Variants in DCLK2 observed in about 807,000 individuals in gnomAD.
DCLK2 encodes the protein doublecortin like kinase 2, also known as serine/threonine-protein kinase DCLK2.
DCLK2 carries 31 observed loss-of-function variants against 78.4 expected under a neutral mutation model. That is an observed-to-expected ratio of 0.40 (90% CI 0.30 to 0.53). DCLK2 has a LOEUF of 0.53. DCLK2 is among the 20% of genes least tolerant of loss of function. DCLK2 has a pLI of 0.61. For missense variants in DCLK2, 872 were observed against 973.7 expected (o/e 0.90, Z 1.39); for synonymous variants, 407 against 374.9 (o/e 1.09, Z -0.99).
chr4:150,185,342 G>A (rs766240203), intron 2 of DCLK2, among the ~76,000 whole-genome samples: 19 of 152,074 alleles, frequency 1.2e-4, no homozygotes, highest in Non-Finnish European at 1.8e-4. Flanking sequence ...CCTCCAACGC[G>A]TGGGGATTAC....
chr4:150,158,253 A>G (rs1052321647), intron 2 of DCLK2, among the ~76,000 whole-genome samples: 17 of 152,146 alleles, frequency 1.1e-4, no homozygotes, highest in African/African-American at 3.6e-4. Context: ...TTCTTCTCTT[A>G]TAAGGACACT....
chr4:150,096,299 G>C (rs1183229017), intron 1 of DCLK2, among the ~76,000 whole-genome samples: 1 of 152,232 alleles, frequency 6.6e-6, no homozygotes, highest in Non-Finnish European at 1.5e-5. Flanking sequence ...AGGAAGAGGA[G>C]AGTGTGAGAT....
At chr4:150,120,170 G>A (rs975891606) in intron 2 of DCLK2, among the ~76,000 whole-genome samples, 2 of 152,190 alleles carry the variant, frequency 1.3e-5, no homozygotes, top group Admixed American at 6.5e-5. Context: ...ATTTTAGGAT[G>A]TATAACCGAT....
At chr4:150,129,016 C>G (rs555228857) in intron 2 of DCLK2, among the ~76,000 whole-genome samples, 1 of 152,118 alleles carries the variant, frequency 6.6e-6, no homozygotes, top group African/African-American at 2.4e-5. Flanking sequence ...TTAATATGTG[C>G]TACTGAGCTT....
chr4:150,164,326 T>C (rs1560825097), intron 2 of DCLK2, among the ~76,000 whole-genome samples: 2 of 152,222 alleles, frequency 1.3e-5, no homozygotes, highest in Non-Finnish European at 2.9e-5. Context: ...TTTTGAACTG[T>C]GCAGCCACTG....
Position 150,197,694 on chromosome 4 carries a change from G to A in DCLK2, c.860-308G>A, listed in dbSNP as rs1488605868. On this transcript the variant is annotated intron_variant, in intron 3 of 15. Transcript: ENST00000296550. ...CGCTTGAACCCAGGAGGCGGAGGTT[G>A]CAGTGAGCAGAATCGCTTGAACCTG... 2.0e-5 allele frequency among the ~76,000 whole-genome samples: 3 copies of A among 151,774 alleles called. No individual in the cohort carries two copies. In the East Asian group the frequency reaches 5.8e-4, roughly 29 times the overall value.
chr4:150,164,798 C>CA (rs145151064), intron 2 of DCLK2, among the ~76,000 whole-genome samples: 21 of 149,186 alleles, frequency 1.4e-4, no homozygotes, highest in South Asian at 8.5e-4. Flanking sequence ...GACACTGTCT[C>CA]AAAAAAAAAA....
At chr4:150,198,193 C>T in intron 4 of DCLK2, 90 bp downstream of exon 4, 2 of 1,201,216 alleles carry the variant, frequency 1.7e-6, no homozygotes, top group Non-Finnish European at 1.2e-6. Flanking sequence ...GTAGTCTTTG[C>T]CAGGGTCGTA....
At chr4:150,121,193 G>T (rs1366590446) in intron 2 of DCLK2, among the ~76,000 whole-genome samples, 1 of 77,550 alleles carries the variant, frequency 1.3e-5, no homozygotes, top group African/African-American at 6.7e-5. Flanking sequence ...GGTGGGGGTG[G>T]CTATGGCAGT....
chr4:150,162,490 G>A (rs1368423820), intron 2 of DCLK2, among the ~76,000 whole-genome samples: 2 of 152,090 alleles, frequency 1.3e-5, no homozygotes, highest in East Asian at 1.9e-4. Flanking sequence ...TCCATCCCAT[G>A]TTGTGAAAGA....
chr4:150,222,821 G>A (rs774400860), intron 7 of DCLK2, among the ~76,000 whole-genome samples: 5 of 151,778 alleles, frequency 3.3e-5, no homozygotes, highest in African/African-American at 9.7e-5. Flanking sequence ...AGCCGAGATC[G>A]TGCCATTGCA....
chr4:150,109,081 A>T (rs1731471944), intron 2 of DCLK2, among the ~76,000 whole-genome samples: 1 of 152,172 alleles, frequency 6.6e-6, no homozygotes, highest in South Asian at 2.1e-4. Context: ...CTACCATAAC[A>T]TAAATAATAT....
chr4:150,221,615 A>G (rs1741195480), intron 6 of DCLK2, 62 bp from the exon 7 acceptor site: 1 of 1,031,802 alleles, frequency 9.7e-7, no homozygotes, highest in African/African-American at 1.7e-5. Flanking sequence ...TTTTACAAAT[A>G]TGTAGGAATC....
At position 150,141,707 on chromosome 4, in the gene DCLK2, A is replaced by T. The variant is rs539479725; in HGVS notation, c.756+38895A>T. ...AATGATAAACCTGAGGTGTACGTTC[A>T]TTTTTTTAGCAGAAAGATGTGAAGC... On this transcript the variant is annotated intron_variant, in intron 2 of 15. Transcript: ENST00000296550. Among the ~76,000 whole-genome samples the T allele has an allele frequency of 6.6e-5, 10 of 152,274 alleles. No homozygotes were observed. In the East Asian group the frequency reaches 1.9e-3, roughly 29 times the overall value.
intron 4 of DCLK2, among the ~76,000 whole-genome samples, chr4:150,199,452 C>A (rs1394955193): frequency 6.6e-6 from 1 of 152,174 alleles, no homozygotes; most frequent in Non-Finnish European, 1.5e-5. Context: ...TGTGCTCACC[C>A]CCTCCCCACC....
chr4:150,191,361 G>A (rs965836895), intron 2 of DCLK2, among the ~76,000 whole-genome samples: 1 of 151,928 alleles, frequency 6.6e-6, no homozygotes, highest in Non-Finnish European at 1.5e-5. Context: ...AAACAGAAAT[G>A]ACAGATTCCA....
At position 150,078,859 on chromosome 4, in the gene DCLK2, G is replaced by C. The variant is rs1220206924; in HGVS notation, c.-169G>C. ...ACACTTTTAGCTGAGGGCGCGGGCG[G>C]GTCGGCTCCTCCGCGGCTCCTCGGC... On this transcript the variant is annotated 5_prime_UTR_variant, in exon 1 of 16. Coordinates refer to ENST00000296550, the MANE Select transcript of DCLK2 (RefSeq NM_001040260.4). 3 of 816,282 alleles carry C rather than the reference G, an allele frequency of 3.7e-6. No individual in the cohort carries two copies. The highest frequency in any genetic ancestry group is 3.2e-5 in the East Asian group (1 of 31,420). The allele number at this position is 816,282 out of a possible 1,614,324, so 50.6% of individuals were successfully genotyped here.
At chr4:150,150,416 T>C (rs1003330584) in intron 2 of DCLK2, among the ~76,000 whole-genome samples, 1 of 152,184 alleles carries the variant, frequency 6.6e-6, no homozygotes, top group Non-Finnish European at 1.5e-5. Flanking sequence ...CTCAGGGCTA[T>C]TGTCAGGATT....
At chr4:150,252,984 G>C (rs1466963602) in intron 15 of DCLK2, among the ~76,000 whole-genome samples, 2 of 152,148 alleles carry the variant, frequency 1.3e-5, no homozygotes, top group East Asian at 3.9e-4. Context: ...AAAAGTGGGA[G>C]GGGAAGGCCT....
Sources: gnomAD v4.1 joint callset for allele counts (sites outside exome capture counted in the v4.1 genomes callset) on GRCh38, gnomAD v4.1.1 for gene constraint, MANE v1.5 for transcripts, NCBI Gene and HGNC (gene_info 2026-07-23, HGNC 2026-07-21) for gene names.